GTPBP6: variants seen among roughly 807,000 people sequenced by gnomAD.
GTPBP6 encodes GTP binding protein 6.
GTPBP6 carries 33 observed loss-of-function variants against 28.9 expected under a neutral mutation model. That is an observed-to-expected ratio of 1.14 (90% CI 0.87 to 1.53). The LOEUF (loss-of-function observed/expected upper bound fraction) is 1.53. GTPBP6 is among the 40% of genes most tolerant of loss of function. The pLI is 0.00. For synonymous variants in GTPBP6, 231 were observed against 192.7 expected, an observed-to-expected ratio of 1.20 and a Z score of -1.65; for missense variants, 507 against 408.3, an observed-to-expected ratio of 1.24 and a Z score of -2.08.
At chrX:310,164 A>G (rs2070255299) in intron 7 of GTPBP6, among the ~76,000 whole-genome samples, 1 of 146,186 alleles carries the variant, frequency 6.8e-6, no homozygotes. Context: ...TGAATGGGAC[A>G]TTATTTGGAA....
chrX:315,101 C>T, intron 3 of GTPBP6, 81 bp from the exon 4 acceptor site: 1 of 398,730 alleles, frequency 2.5e-6, no homozygotes, highest in Non-Finnish European at 4.4e-6. Context: ...GAGGACGTCT[C>T]TAATGCCTTA....
At position 312,762 on chromosome X, in the gene GTPBP6, T is replaced by C. The variant is rs1379764997; in HGVS notation, c.916+4A>G. On this transcript the variant is annotated splice_donor_region_variant and intron_variant, in intron 6 of 9. Transcript: ENST00000326153. Reference sequence around the variant, plus strand: ...GAAGGCCCCTCCCCTGGGCGCGTGCTCACCGCAGTTGGTGTACCCCACCAC... The same window carrying C: ...GAAGGCCCCTCCCCTGGGCGCGTGCCCACCGCAGTTGGTGTACCCCACCAC... 1.9e-5 allele frequency: 30 copies of C among 1,610,240 alleles called. No homozygotes were observed. The highest frequency in any genetic ancestry group is 2.4e-5 in the Non-Finnish European group (28 of 1,178,912).
At chrX:312,536 G>C in intron 6 of GTPBP6, 1 of 697,708 alleles carries the variant, frequency 1.4e-6, no homozygotes, top group South Asian at 1.5e-5. Flanking sequence ...CCTCACCTTG[G>C]CTGCTGTACC....
intron 5 of GTPBP6, among the ~76,000 whole-genome samples, chrX:313,550 C>G (rs904300078): frequency 9.9e-5 from 15 of 152,110 alleles, no homozygotes; most frequent in African/African-American, 2.9e-4. Context: ...ATTCCCAGAA[C>G]TGGTCAATGG....
At chrX:314,668 G>T (rs1267244939) in intron 4 of GTPBP6, among the ~76,000 whole-genome samples, 1 of 151,934 alleles carries the variant, frequency 6.6e-6, no homozygotes, top group Admixed American at 6.6e-5. Flanking sequence ...AGTACAGACG[G>T]GGTTTCACCG....
chrX:312,011 T>G, intron 6 of GTPBP6: 1 of 502,840 alleles, frequency 2.0e-6, no homozygotes. Context: ...GGTGATGGTG[T>G]AGATGGGTGG....
At chrX:316,960 C>T (rs1180979142) in exon 2 of GTPBP6, 6 of 398,662 alleles carry the variant, frequency 1.5e-5, no homozygotes, top group African/African-American at 2.1e-5. Context: ...GCTTCCTGTC[C>T]GGCGTTTTGG....
intron 7 of GTPBP6, among the ~76,000 whole-genome samples, chrX:308,299 C>T (rs928409226): frequency 4.6e-5 from 7 of 151,908 alleles, no homozygotes; most frequent in African/African-American, 4.8e-5. Flanking sequence ...ATCTTACAGG[C>T]AGGCTCCTTA....
At chrX:305,046 C>T (rs1318878466) in exon 10 of GTPBP6, 5 of 1,609,140 alleles carry the variant, frequency 3.1e-6, no homozygotes, top group Middle Eastern at 1.8e-4. Context: ...GCGATGCCCC[C>T]ACCCCGCAGG....
intron 6 of GTPBP6, chrX:312,514 G>A (rs1278584711): frequency 2.9e-6 from 2 of 687,540 alleles, no homozygotes; most frequent in Non-Finnish European, 5.3e-6. Flanking sequence ...GGGAGGATGG[G>A]GTAGATGACA....
intron 7 of GTPBP6, among the ~76,000 whole-genome samples, chrX:310,951 G>A (rs1000637681): frequency 6.6e-6 from 1 of 151,718 alleles, no homozygotes; most frequent in Non-Finnish European, 1.5e-5. Context: ...TGTCTGTCAG[G>A]GGTCTGTGAC....
At chrX:309,589 G>C (rs2070242453) in intron 7 of GTPBP6, among the ~76,000 whole-genome samples, 1 of 152,196 alleles carries the variant, frequency 6.6e-6, no homozygotes, top group Admixed American at 6.5e-5. Flanking sequence ...TAAATGCAAT[G>C]ACAGGTGTCC....
At chrX:316,389 T>A in intron 2 of GTPBP6, among the ~76,000 whole-genome samples, 3 of 145,632 alleles carry the variant, frequency 2.1e-5, no homozygotes, top group African/African-American at 2.6e-5. Context: ...CCAGCAGGGG[T>A]GAGATGCATC....
rs1187572118 is a variant in GTPBP6 at position 317,569 on chromosome X, T to TGGGGGGTGGGGG, written c.350-519_350-518insCCCCCACCCCCC. On this transcript the variant is annotated intron_variant, in intron 1 of 9. Coordinates refer to ENST00000326153, the Ensembl canonical transcript of GTPBP6. ...GCATTTCCTCCTGGGGGGTGGGGGG[T>TGGGGGGTGGGGG]GGGACTAGACACAGATTGGTCCGCT... Among the ~76,000 whole-genome samples the TGGGGGGTGGGGG allele has an allele frequency of 3.1e-3, 366 of 117,654 alleles. 2 individuals are homozygous for TGGGGGGTGGGGG. Among genetic ancestry groups the TGGGGGGTGGGGG allele is most frequent in the African/African-American group, 9.0e-3 (284 of 31,406 alleles). 77.2% of individuals were successfully genotyped at this position (117,654 alleles called of 152,430 possible).
rs1409501592 is a variant in GTPBP6 at position 316,932 on chromosome X, TC to T, written c.468del (p.Asn157ThrfsTer5). 7.5e-6 allele frequency: 3 copies of T among 398,510 alleles called. No individual in the cohort carries two copies. Among genetic ancestry groups the T allele is most frequent in the Non-Finnish European group, 1.3e-5 (3 of 226,046 alleles). The allele number at this position is 398,510 out of a possible 1,614,324, so 24.7% of individuals were successfully genotyped here. On this transcript the variant is annotated frameshift_variant, in exon 2 of 10. Coordinates refer to ENST00000326153, the Ensembl canonical transcript of GTPBP6. LOFTEE classifies it high-confidence loss of function. ...GACCCACCTGTCAGGTGCTCAAAGT[TC>T]CCTTTGCCAAAGATGAGCTTCCTGT...
intron 1 of GTPBP6, among the ~76,000 whole-genome samples, 164 bp downstream of exon 1, chrX:318,275 C>T (rs1433847779): frequency 1.3e-5 from 2 of 150,562 alleles, no homozygotes; most frequent in East Asian, 2.0e-4. Flanking sequence ...TGCGCCTCCA[C>T]CTATGAGATT....
At chrX:312,808 G>A (rs772358990) in exon 6 of GTPBP6, 23 of 1,612,456 alleles carry the variant, frequency 1.4e-5, no homozygotes, top group Non-Finnish European at 1.7e-5. Flanking sequence ...GGGAACTCCC[G>A]CCTCGTCCGC....
At chrX:311,771 C>T in intron 6 of GTPBP6, 144 bp from the exon 7 acceptor site, 1 of 696,496 alleles carries the variant, frequency 1.4e-6, no homozygotes, top group Non-Finnish European at 2.5e-6. Context: ...CCTCGGGCAC[C>T]CCGGGCCAGA....
intron 6 of GTPBP6, chrX:312,073 G>A (rs1293162921): frequency 2.2e-6 from 1 of 454,200 alleles, no homozygotes; most frequent in Non-Finnish European, 4.3e-6. Context: ...TGTAGACAGA[G>A]GAGAGGCGAT....
Sources: allele counts gnomAD v4.1 joint callset (sites outside exome capture counted in the v4.1 genomes callset), GRCh38; gene constraint gnomAD v4.1.1; transcripts MANE v1.5; gene names NCBI Gene and HGNC (gene_info 2026-07-23, HGNC 2026-07-21).